Variants in TMC5 observed in about 807,000 individuals in gnomAD.
TMC5 encodes the protein transmembrane channel like 5, also known as transmembrane channel-like protein 5.
Under a neutral mutation model 110.5 loss-of-function variants are expected in TMC5, and 86 were observed. The ratio of observed to expected loss-of-function variants is 0.78; its 90% CI spans 0.65 to 0.93. The LOEUF is 0.93. Ranked by LOEUF, TMC5 falls within the 40% of genes least tolerant of loss-of-function variation. TMC5 has a pLI of 0.00. For missense variants in TMC5, 1,144 were observed against 1,222.8 expected (o/e 0.94, Z 0.96); for synonymous variants, 455 against 439.5 (o/e 1.04, Z -0.44).
At chr16:19,456,346 C>A in intron 5 of TMC5, 1 of 470,336 alleles carries the variant, frequency 2.1e-6, no homozygotes, top group Non-Finnish European at 2.8e-6. Flanking sequence ...AAAAATCTTG[C>A]CCTTTGACTA....
intron 3 of TMC5, among the ~76,000 whole-genome samples, chr16:19,442,920 C>G (rs569833344): frequency 3.9e-5 from 6 of 152,282 alleles, no homozygotes; most frequent in Non-Finnish European, 5.9e-5. Flanking sequence ...CAAAGCCCAC[C>G]TTTGATCCTA....
At chr16:19,487,137 G>A in intron 16 of TMC5, 56 bp from the exon 17 acceptor site, 1 of 1,604,206 alleles carries the variant, frequency 6.2e-7, no homozygotes, top group Non-Finnish European at 8.5e-7. Flanking sequence ...CCTGGCTGGG[G>A]TCCCTCTGCC....
intron 19 of TMC5, among the ~76,000 whole-genome samples, chr16:19,492,942 A>ATATAT (rs57619005): frequency 1.4e-3 from 155 of 107,108 alleles, no homozygotes; most frequent in Non-Finnish European, 1.8e-3. Context: ...ATCTCTCTAT[A>ATATAT]AGATAAATAC....
At chr16:19,463,655 C>T (rs539927448) in intron 7 of TMC5, 121 bp from the exon 8 acceptor site, 1 of 1,221,802 alleles carries the variant, frequency 8.2e-7, no homozygotes, top group African/African-American at 1.5e-5. Context: ...ACATGCCTAG[C>T]ATGGTGCCTG....
intron 8 of TMC5, among the ~76,000 whole-genome samples, chr16:19,464,999 TTGTC>T (rs1269637520): frequency 2.1e-5 from 2 of 95,434 alleles, no homozygotes; most frequent in Non-Finnish European, 5.2e-5. Context: ...TCCTTTCCTT[TTGTC>T]TTTCTTTCTT....
intron 2 of TMC5, among the ~76,000 whole-genome samples, chr16:19,431,930 A>G (rs1158021234): frequency 2.0e-5 from 3 of 152,078 alleles, no homozygotes; most frequent in African/African-American, 7.2e-5. Flanking sequence ...CTGTTGATGA[A>G]TTTTTGAATT....
intron 8 of TMC5, 68 bp from the exon 9 acceptor site, chr16:19,466,014 C>T (rs1968178698): frequency 2.6e-6 from 4 of 1,560,588 alleles, no homozygotes; most frequent in Non-Finnish European, 2.6e-6. Flanking sequence ...GGTCAACTCT[C>T]ATGACCATAA....
chr16:19,440,829 A>G lies in TMC5; in HGVS notation c.788+3A>G. On this transcript the variant is annotated splice_donor_region_variant and intron_variant, in intron 3 of 21. Coordinates refer to ENST00000542583, the MANE Select transcript of TMC5 (RefSeq NM_001261841.2). ...GAGACCCCAAAGATGACCAGGGGGT[A>G]AGTTCAGATATATATCCCTTCACTG... 2.5e-6 allele frequency: 4 copies of G among 1,610,072 alleles called. No individual in the cohort carries two copies. Among genetic ancestry groups the G allele is most frequent in the Middle Eastern group, 1.7e-4 (1 of 6,042 alleles).
At chr16:19,489,205 T>C (rs1327537882) in intron 17 of TMC5, among the ~76,000 whole-genome samples, 1 of 152,222 alleles carries the variant, frequency 6.6e-6, no homozygotes, top group East Asian at 1.9e-4. Flanking sequence ...AGGGCCTTGC[T>C]CTGCCACCCA....
chr16:19,415,216 T>C (rs993757809), upstream of TMC5, among the ~76,000 whole-genome samples: 1 of 152,192 alleles, frequency 6.6e-6, no homozygotes, highest in Non-Finnish European at 1.5e-5. Flanking sequence ...TGGTATAGTT[T>C]CTAGAAGAGG....
chr16:19,447,941 G>A (rs542330172), intron 4 of TMC5, among the ~76,000 whole-genome samples: 13 of 152,084 alleles, frequency 8.5e-5, no homozygotes, highest in Admixed American at 2.6e-4. Flanking sequence ...AAGTAACAGG[G>A]CTGGGAGTTG....
At chr16:19,431,582 A>G (rs946859314) in intron 2 of TMC5, among the ~76,000 whole-genome samples, 19 of 151,398 alleles carry the variant, frequency 1.3e-4, no homozygotes, top group Non-Finnish European at 1.2e-4. Context: ...GACAAAATGT[A>G]CGGCTGAAAT....
chr16:19,492,943 A>ATATATGTATATATAT (rs61334845), intron 19 of TMC5, among the ~76,000 whole-genome samples: 1 of 92,078 alleles, frequency 1.1e-5, no homozygotes, highest in African/African-American at 3.4e-5. Context: ...TCTCTCTATA[A>ATATATGTATATATAT]GATAAATACT....
chr16:19,434,157 C>A (rs1289180690), intron 2 of TMC5, among the ~76,000 whole-genome samples: 11 of 48,838 alleles, frequency 2.3e-4, no homozygotes, highest in African/African-American at 4.5e-4. Context: ...ATATATAGAT[C>A]TATATATGAT....
intron 6 of TMC5, among the ~76,000 whole-genome samples, chr16:19,461,380 C>T (rs1407377317): frequency 2.6e-5 from 4 of 152,040 alleles, no homozygotes; most frequent in Non-Finnish European, 4.4e-5. Context: ...TTGAGACCAG[C>T]CTGGCCAACA....
rs1350613964 is a variant in TMC5, at chr16:19,463,306, A to G, written c.1175A>G (p.Lys392Arg). The change falls in exon 7 of 22, where the codon AAA (lysine) becomes AGA (arginine). Residue 392 changes from lysine (K) to arginine (R), a missense_variant. Physicochemically the swap from Lys to Arg is conservative, Grantham distance 26 (BLOSUM62 2). Coordinates refer to ENST00000542583, the MANE Select transcript of TMC5 (RefSeq NM_001261841.2). ...LRKIVDKEKS[K>R]QTHRILQLNC... ...AAAATAGTTGACAAAGAAAAAAGCA[A>G]ACAGACCCATCGTATCCTTCAGCTC... 2 of 1,614,106 alleles carry G rather than the reference A, an allele frequency of 1.2e-6. No homozygotes were observed. The highest frequency in any genetic ancestry group is 1.7e-6 in the Non-Finnish European group (2 of 1,179,982).
At position 19,463,973 on chromosome 16, in the gene TMC5, G is replaced by T; in HGVS notation, c.1434G>T (p.Val478=). ...TCATCATAATCCCTCAGTTTACCGT[G>T]GCCAAAAAGAACACCCTCCAGTTCA... ...FSFIIIPQFT[V]AKKNTLQFTG... The change falls in exon 8 of 22, where the codon GTG becomes GTT. Residue 478 remains valine, a synonymous_variant. Coordinates refer to ENST00000542583, the MANE Select transcript of TMC5 (RefSeq NM_001261841.2). The T allele has an allele frequency of 1.2e-6, 2 of 1,614,068 alleles. No individual in the cohort carries two copies. Among genetic ancestry groups the T allele is most frequent in the Non-Finnish European group, 1.7e-6 (2 of 1,180,008 alleles).
At chr16:19,478,893 C>A (rs1480003291) in intron 13 of TMC5, among the ~76,000 whole-genome samples, 1 of 152,234 alleles carries the variant, frequency 6.6e-6, no homozygotes, top group Non-Finnish European at 1.5e-5. Context: ...AGCTCCCAGT[C>A]TATCAGCTGA....
intron 11 of TMC5, 89 bp downstream of exon 11, chr16:19,472,332 C>A: frequency 2.0e-6 from 3 of 1,468,356 alleles, no homozygotes; most frequent in Non-Finnish European, 2.8e-6. Context: ...TACGGTTCAA[C>A]CCAGGATCTA....
Sources: gnomAD v4.1 joint callset for allele counts (sites outside exome capture counted in the v4.1 genomes callset) on GRCh38, gnomAD v4.1.1 for gene constraint, MANE v1.5 for transcripts, NCBI Gene and HGNC (gene_info 2026-07-23, HGNC 2026-07-21) for gene names.